IGSF21: variants seen among roughly 807,000 people sequenced by gnomAD.
IGSF21 encodes immunoglobulin superfamily member 21.
In IGSF21, 28 loss-of-function variants were observed where a neutral mutation model predicts 46.8. That is an observed-to-expected ratio of 0.60 (90% CI 0.44 to 0.82). IGSF21 has a LOEUF of 0.82. Among genes scored for constraint, IGSF21 ranks in the 40% least tolerant of loss-of-function variants. IGSF21 has a pLI of 0.00. For missense variants in IGSF21, 624 were observed against 665.5 expected, an observed-to-expected ratio of 0.94 and a Z score of 0.69; for synonymous variants, 284 against 273.6, an observed-to-expected ratio of 1.04 and a Z score of -0.38.
intron 6 of IGSF21, among the ~76,000 whole-genome samples, chr1:18,368,538 A>G (rs1306699142): frequency 2.0e-5 from 2 of 102,294 alleles, no homozygotes; most frequent in African/African-American, 6.7e-5. Flanking sequence ...GTTGGGGGGA[A>G]AAAAGATATT....
chr1:18,340,991 C>A (rs1230584559), intron 4 of IGSF21, among the ~76,000 whole-genome samples: 1 of 120,542 alleles, frequency 8.3e-6, no homozygotes, highest in Non-Finnish European at 1.7e-5. Flanking sequence ...TCTCCTTCTT[C>A]TTCTCCTCCT....
At chr1:18,336,140 G>A (rs548728582) in intron 4 of IGSF21, among the ~76,000 whole-genome samples, 2 of 152,272 alleles carry the variant, frequency 1.3e-5, no homozygotes, top group South Asian at 4.2e-4. Context: ...TGAGGTGGCC[G>A]GGAATGGACC....
At chr1:18,143,248 A>G (rs1043966522) in intron 1 of IGSF21, among the ~76,000 whole-genome samples, 1 of 152,166 alleles carries the variant, frequency 6.6e-6, no homozygotes, top group Non-Finnish European at 1.5e-5. Flanking sequence ...GCCTGGGCTC[A>G]GGATGCGGAG....
At chr1:18,187,231 A>C in intron 1 of IGSF21, among the ~76,000 whole-genome samples, 1 of 151,984 alleles carries the variant, frequency 6.6e-6, no homozygotes, top group East Asian at 1.9e-4. Context: ...AGAGAGAGAG[A>C]GAGAGAGAGA....
chr1:18,111,439 A>G (rs1329053369), intron 1 of IGSF21: 1 of 152,198 alleles, frequency 6.6e-6, no homozygotes, highest in African/African-American at 2.4e-5. Context: ...TTAAGTAGGA[A>G]AACCCTTTTA....
At chr1:18,233,881 A>G (rs1290844069) in intron 2 of IGSF21, among the ~76,000 whole-genome samples, 1 of 152,194 alleles carries the variant, frequency 6.6e-6, no homozygotes, top group African/African-American at 2.4e-5. Flanking sequence ...TCCCTGAAAC[A>G]GGGAGCTATT....
intron 3 of IGSF21, among the ~76,000 whole-genome samples, chr1:18,296,173 C>T (rs1044451849): frequency 6.6e-6 from 1 of 152,196 alleles, no homozygotes; most frequent in African/African-American, 2.4e-5. Flanking sequence ...GCTTCCTTCC[C>T]TTCTAGCTCA....
intron 2 of IGSF21, 49 bp from the exon 3 acceptor site, chr1:18,291,817 C>T: frequency 1.2e-6 from 2 of 1,602,342 alleles, no homozygotes; most frequent in Non-Finnish European, 8.5e-7. Context: ...AAGGGGTGAC[C>T]AGGGCCGGTT....
intron 3 of IGSF21, among the ~76,000 whole-genome samples, chr1:18,315,733 T>C (rs1402503737): frequency 6.6e-6 from 1 of 151,840 alleles, no homozygotes; most frequent in Non-Finnish European, 1.5e-5. Flanking sequence ...GATGGATAGA[T>C]GGCTAGATAA....
intron 1 of IGSF21, among the ~76,000 whole-genome samples, chr1:18,204,233 CTG>C (rs751382728): frequency 3.3e-5 from 5 of 152,170 alleles, no homozygotes; most frequent in Non-Finnish European, 5.9e-5. Flanking sequence ...GATGAAGAAA[CTG>C]AGCCTTAGAA....
At chr1:18,145,977 T>A (rs1160144040) in intron 1 of IGSF21, among the ~76,000 whole-genome samples, 2 of 152,018 alleles carry the variant, frequency 1.3e-5, no homozygotes, top group African/African-American at 4.8e-5. Flanking sequence ...GGGAGAAAAG[T>A]GTGGCTTCTG....
chr1:18,172,688 C>T (rs993207993), intron 1 of IGSF21, among the ~76,000 whole-genome samples: 2 of 152,206 alleles, frequency 1.3e-5, no homozygotes, highest in Admixed American at 6.5e-5. Context: ...TCTAAAACCC[C>T]TACCTGCAAA....
intron 1 of IGSF21, among the ~76,000 whole-genome samples, chr1:18,172,059 C>A (rs962256636): frequency 6.6e-6 from 1 of 152,220 alleles, no homozygotes; most frequent in African/African-American, 2.4e-5. Flanking sequence ...AGCCACCTTG[C>A]AGCCATGCTT....
rs35016415 is a variant in IGSF21, at chr1:18,182,173, C to CTTT, written c.71-45705_71-45703dup. Among the ~76,000 whole-genome samples the CTTT allele has an allele frequency of 4.4e-3, 480 of 108,908 alleles. 15 individuals carry two copies. In the East Asian group the frequency reaches 0.047, roughly 11 times the overall value. The allele number at this position is 108,908 out of a possible 152,430, so 71.4% of individuals were successfully genotyped here. On this transcript the variant is annotated intron_variant, in intron 1 of 9. Coordinates refer to ENST00000251296, the MANE Select transcript of IGSF21 (RefSeq NM_032880.5). ...TCTTGCCACCACTTCTGAAAGGTGT[C>CTTT]TTTTTTTTTTTTTTTTTTTTTTAGA... is the stretch of plus-strand genomic sequence containing the variant.
intron 1 of IGSF21, among the ~76,000 whole-genome samples, chr1:18,203,382 C>A (rs1372145699): frequency 6.6e-6 from 1 of 152,174 alleles, no homozygotes; most frequent in East Asian, 1.9e-4. Flanking sequence ...GATCTTGGCT[C>A]ACTGTAGCCA....
intron 2 of IGSF21, among the ~76,000 whole-genome samples, chr1:18,291,342 G>T (rs547091917): frequency 6.6e-6 from 1 of 152,194 alleles, no homozygotes; most frequent in Non-Finnish European, 1.5e-5. Context: ...CGCCCGTGCC[G>T]GGATGTTGGA....
rs759821623 is a variant in IGSF21, at chr1:18,378,373, C to T, written c.*47C>T. On this transcript the variant is annotated 3_prime_UTR_variant, in exon 10 of 10. Transcript: ENST00000251296. ...CATCAGGCACTGACATCTCCACGAC[C>T]GGTTTTCATTTCTTTTCTAAACTAT... 37 of 1,452,788 alleles carry T rather than the reference C, an allele frequency of 2.5e-5. No homozygotes were observed. The highest frequency in any genetic ancestry group is 1.6e-4 in the Admixed American group (9 of 56,990). 90.0% of individuals were successfully genotyped at this position (1,452,788 alleles called of 1,614,324 possible). A position where few individuals can be genotyped will look rare whatever the true frequency, so the allele number is the denominator to read the frequency against.
At chr1:18,366,401 G>A (rs1377662169) in intron 6 of IGSF21, among the ~76,000 whole-genome samples, 3 of 152,060 alleles carry the variant, frequency 2.0e-5, no homozygotes, top group African/African-American at 4.8e-5. Flanking sequence ...GAGATCAGGG[G>A]ACATTTGTCG....
intron 1 of IGSF21, among the ~76,000 whole-genome samples, chr1:18,146,787 T>C (rs1356999472): frequency 6.6e-6 from 1 of 152,162 alleles, no homozygotes; most frequent in Admixed American, 6.5e-5. Context: ...CTCTCCCATC[T>C]CTGTCTTCAT....
Sources: allele counts gnomAD v4.1 joint callset (sites outside exome capture counted in the v4.1 genomes callset), GRCh38; gene constraint gnomAD v4.1.1; transcripts MANE v1.5; gene names NCBI Gene and HGNC (gene_info 2026-07-23, HGNC 2026-07-21).